Variants in NTRK2 observed in about 807,000 individuals in gnomAD.
NTRK2 encodes neurotrophic receptor tyrosine kinase 2.
A neutral mutation model predicts 94.5 loss-of-function variants in NTRK2; 13 were observed. The ratio of observed to expected loss-of-function variants is 0.14; its 90% CI spans 0.09 to 0.22. The LOEUF (loss-of-function observed/expected upper bound fraction) is 0.22. NTRK2 is among the 10% of genes least tolerant of loss of function. The pLI, the probability that NTRK2 is intolerant of heterozygous loss-of-function variation, is 1.00. For synonymous variants in NTRK2, 372 were observed against 407.4 expected (o/e 0.91, Z 1.05); for missense variants, 639 against 1,071.2 (o/e 0.60, Z 5.63).
intron 12 of NTRK2, among the ~76,000 whole-genome samples, chr9:84,793,633 A>C (rs1243984942): frequency 6.6e-6 from 1 of 152,170 alleles, no homozygotes; most frequent in Non-Finnish European, 1.5e-5. Flanking sequence ...CCTGGATTTG[A>C]TTTGATGTGC....
intron 12 of NTRK2, among the ~76,000 whole-genome samples, chr9:84,850,525 T>TC: frequency 1.3e-5 from 2 of 152,298 alleles, no homozygotes; most frequent in Admixed American, 1.3e-4. Context: ...GTTTGGACCT[T>TC]ATTATTCCCT....
chr9:84,994,768 TAG>T (rs1421053216), intron 17 of NTRK2, among the ~76,000 whole-genome samples: 1 of 152,222 alleles, frequency 6.6e-6, no homozygotes, highest in Non-Finnish European at 1.5e-5. Context: ...GTGCTTTATT[TAG>T]AGAGAGAAGG....
At chr9:84,876,460 A>C (rs2132159440) in intron 14 of NTRK2, 1 of 1,055,380 alleles carries the variant, frequency 9.5e-7, no homozygotes, top group African/African-American at 1.6e-5. Flanking sequence ...TACTTTTGCA[A>C]GTCATTTGGT....
At chr9:84,697,061 A>G (rs1397825450) in intron 2 of NTRK2, among the ~76,000 whole-genome samples, 1 of 152,204 alleles carries the variant, frequency 6.6e-6, no homozygotes, top group Non-Finnish European at 1.5e-5. Context: ...GTTGAGGGCC[A>G]GGGACCCTGA....
chr9:84,995,524 G>A (rs17088001), intron 17 of NTRK2, among the ~76,000 whole-genome samples: 1 of 152,078 alleles, frequency 6.6e-6, no homozygotes, highest in African/African-American at 2.4e-5. Context: ...GGGTGATAAT[G>A]TCTGCACATT....
At chr9:84,712,256 G>GT (rs989759870) in intron 6 of NTRK2, among the ~76,000 whole-genome samples, 6 of 152,172 alleles carry the variant, frequency 3.9e-5, no homozygotes, top group African/African-American at 1.4e-4. Context: ...TTTTGGTTGT[G>GT]TTGTCTTGGC....
chr9:84,929,949 T>A (rs2077965335), intron 14 of NTRK2, among the ~76,000 whole-genome samples: 1 of 152,194 alleles, frequency 6.6e-6, no homozygotes, highest in Non-Finnish European at 1.5e-5. Flanking sequence ...GATTGGCTGA[T>A]CACAGAGAAA....
At chr9:84,826,051 C>T (rs1218944419) in intron 12 of NTRK2, among the ~76,000 whole-genome samples, 1 of 152,164 alleles carries the variant, frequency 6.6e-6, no homozygotes, top group Non-Finnish European at 1.5e-5. Context: ...CTAAATTCCA[C>T]CCCCCACCCG....
intron 17 of NTRK2, among the ~76,000 whole-genome samples, chr9:84,992,743 C>T (rs1396472816): frequency 1.3e-5 from 2 of 151,958 alleles, no homozygotes; most frequent in Admixed American, 1.3e-4. Flanking sequence ...TGCAAGGGTC[C>T]AATGTCAATT....
chr9:84,839,920 C>A (rs942470074), intron 12 of NTRK2, among the ~76,000 whole-genome samples: 2 of 152,134 alleles, frequency 1.3e-5, no homozygotes, highest in African/African-American at 4.8e-5. Context: ...TTCTTGGCTA[C>A]TTTTTTCTCA....
At chr9:84,993,485 C>A (rs78013998) in intron 17 of NTRK2, among the ~76,000 whole-genome samples, 360 of 152,326 alleles carry the variant, frequency 2.4e-3, no homozygotes, top group Admixed American at 4.1e-3. Context: ...TTGCTACCAG[C>A]ATCCTACTCT....
intron 2 of NTRK2, among the ~76,000 whole-genome samples, chr9:84,676,185 T>C (rs1202795467): frequency 6.6e-6 from 1 of 152,228 alleles, no homozygotes; most frequent in Non-Finnish European, 1.5e-5. Context: ...GCTTGTCACA[T>C]GTAAACTGAG....
At chr9:84,913,952 T>C (rs1415568241) in intron 14 of NTRK2, among the ~76,000 whole-genome samples, 1 of 152,022 alleles carries the variant, frequency 6.6e-6, no homozygotes, top group Non-Finnish European at 1.5e-5. Context: ...TGTTAAGATG[T>C]AGTTCCCTGA....
At chr9:84,918,137 G>A (rs2077452520) in intron 14 of NTRK2, among the ~76,000 whole-genome samples, 1 of 152,160 alleles carries the variant, frequency 6.6e-6, no homozygotes, top group African/African-American at 2.4e-5. Flanking sequence ...CAACAGAAAG[G>A]CACAGTTTTC....
intron 13 of NTRK2, 78 bp from the exon 14 acceptor site, chr9:84,867,165 G>A: frequency 2.9e-6 from 4 of 1,395,810 alleles, no homozygotes; most frequent in Non-Finnish European, 4.0e-6. Flanking sequence ...ACTTTAAATG[G>A]GTAAATTTTA....
At chr9:84,981,056 T>G (rs1487093946) in intron 17 of NTRK2, among the ~76,000 whole-genome samples, 1 of 152,180 alleles carries the variant, frequency 6.6e-6, no homozygotes, top group African/African-American at 2.4e-5. Flanking sequence ...TTATTTAGAT[T>G]TTCTGCTTTT....
chr9:84,889,432 A>G (rs1034460241), intron 14 of NTRK2, among the ~76,000 whole-genome samples: 3 of 152,200 alleles, frequency 2.0e-5, no homozygotes, highest in African/African-American at 4.8e-5. Context: ...TTTATTTTTG[A>G]TACAGAGTCT....
chr9:85,007,157 G>A (rs1017678637), intron 17 of NTRK2, among the ~76,000 whole-genome samples: 1 of 152,224 alleles, frequency 6.6e-6, no homozygotes, highest in Non-Finnish European at 1.5e-5. Flanking sequence ...TGAGGGAAAG[G>A]GATTTACCAT....
intron 14 of NTRK2, among the ~76,000 whole-genome samples, chr9:84,895,095 A>T (rs989935277): frequency 1.3e-5 from 2 of 152,316 alleles, no homozygotes; most frequent in South Asian, 2.1e-4. Flanking sequence ...CAGGATATTG[A>T]CAATAAGAGA....
Sources: allele counts gnomAD v4.1 joint callset (sites outside exome capture counted in the v4.1 genomes callset), GRCh38; gene constraint gnomAD v4.1.1; transcripts MANE v1.5; gene names NCBI Gene and HGNC (gene_info 2026-07-23, HGNC 2026-07-21).